The following OSMR variants were observed in gnomAD, a reference collection of about 807,000 sequenced individuals.
OSMR encodes oncostatin M receptor.
A neutral mutation model predicts 99.9 loss-of-function variants in OSMR; 81 were observed. The ratio of observed to expected loss-of-function variants is 0.81; its 90% CI spans 0.68 to 0.97. The LOEUF is 0.97. Ranked by LOEUF, OSMR falls within the 50% of genes least tolerant of loss-of-function variation. The pLI is 0.00. For synonymous variants in OSMR, 406 were observed against 410.4 expected (o/e 0.99, Z 0.13); for missense variants, 1,099 against 1,153.4 (o/e 0.95, Z 0.68).
rs754558776 is a variant in OSMR, at chr5:38,933,172, C to A, written c.2668C>A (p.Pro890Thr). 1 of 1,614,144 alleles carries A rather than the reference C, an allele frequency of 6.2e-7. No homozygotes were observed. The highest frequency in any genetic ancestry group is 1.1e-5 in the South Asian group (1 of 91,078). Residue 890 changes from proline (P) to threonine (T), a missense_variant, in exon 18 of 18, where the codon CCT becomes ACT. By Grantham distance (38) the Pro-to-Thr change is conservative. Transcript: ENST00000274276. Reference protein sequence around the residue: ...APSMLGLMTSPENVLKALEKN... With the variant: ...APSMLGLMTSTENVLKALEKN... ...AAGTATGCTGGGACTAATGACCTCA[C>A]CTGAAAATGTACTAAAGGCACTAGA...
At chr5:38,864,530 C>G (rs978759276) in intron 1 of OSMR, among the ~76,000 whole-genome samples, 1 of 113,636 alleles carries the variant, frequency 8.8e-6, no homozygotes, top group Non-Finnish European at 1.7e-5. Flanking sequence ...ATATAGTATT[C>G]TTGCCTGAAG....
rs369763533 is a variant in OSMR, at chr5:38,876,361, T to C, written c.234T>C (p.Asn78=). 1.2e-6 allele frequency: 2 copies of C among 1,613,154 alleles called. No individual in the cohort carries two copies. Among genetic ancestry groups the C allele is most frequent in the Non-Finnish European group, 8.5e-7 (1 of 1,179,338 alleles). ...AGATCAGTAGGATTGAAACATCCAA[T>C]GTCATCTGGGTGGTAAGTAATTTTT... The part of the protein sequence containing the change: ...QIQISRIETS[N]VIWVGNYSTT... The change falls in exon 3 of 18, where the codon AAT becomes AAC. Residue 78 remains asparagine (N), a synonymous_variant. Coordinates refer to ENST00000274276, the MANE Select transcript of OSMR (RefSeq NM_003999.3).
chr5:38,880,453 G>A (rs1439714413), intron 3 of OSMR, among the ~76,000 whole-genome samples: 2 of 152,180 alleles, frequency 1.3e-5, no homozygotes, highest in African/African-American at 4.8e-5. Flanking sequence ...AGAAGAGAAC[G>A]TGGTTCCTGC....
chr5:38,902,049 A>G (rs542489996), intron 7 of OSMR, among the ~76,000 whole-genome samples: 4 of 152,206 alleles, frequency 2.6e-5, no homozygotes, highest in Non-Finnish European at 5.9e-5. Context: ...GTTAGTCTCC[A>G]TGCCCTGGAG....
At position 38,933,555 on chromosome 5, in the gene OSMR, T is replaced by G. The variant is rs1746883831; in HGVS notation, c.*111T>G. On this transcript the variant is annotated 3_prime_UTR_variant, in exon 18 of 18. Coordinates refer to ENST00000274276, the MANE Select transcript of OSMR (RefSeq NM_003999.3). ...TTAATCCCAGTACGATTTGCAGGTC[T>G]GGTTTATATAAGACCACTACAGTCT... is the stretch of plus-strand genomic sequence containing the variant. 8.1e-7 allele frequency: 1 copy of G among 1,228,978 alleles called. No individual in the cohort carries two copies. The highest frequency in any genetic ancestry group is 1.2e-6 in the Non-Finnish European group (1 of 849,480). 76.1% of individuals were successfully genotyped at this position (1,228,978 alleles called of 1,614,324 possible). A position where few individuals can be genotyped will look rare whatever the true frequency, so the allele number is the denominator to read the frequency against.
chr5:38,932,690 C>T, intron 17 of OSMR, 155 bp downstream of exon 17: 2 of 985,164 alleles, frequency 2.0e-6, no homozygotes, highest in African/African-American at 1.7e-5. Flanking sequence ...GTGATTGGAG[C>T]TTTGATTTCT....
intron 1 of OSMR, chr5:38,942,332 G>T: frequency 6.3e-7 from 1 of 1,598,030 alleles, no homozygotes; most frequent in Non-Finnish European, 8.6e-7. Context: ...ATCAACTATA[G>T]GTTGCTTTGG....
intron 7 of OSMR, among the ~76,000 whole-genome samples, chr5:38,902,927 G>A: frequency 6.6e-6 from 1 of 152,074 alleles, no homozygotes; most frequent in Non-Finnish European, 1.5e-5. Context: ...CACAATCCAT[G>A]CAGCCACCTC....
chr5:38,902,628 AC>A (rs1744969126), intron 7 of OSMR, among the ~76,000 whole-genome samples: 1 of 152,118 alleles, frequency 6.6e-6, no homozygotes, highest in African/African-American at 2.4e-5. Flanking sequence ...TTTGGCAACA[AC>A]CCTAACTGCA....
chr5:38,931,867 C>T lies in OSMR; in HGVS notation c.2213-16C>T, dbSNP rs1439349125. The T allele has an allele frequency of 5.6e-6, 9 of 1,610,678 alleles. No individual in the cohort carries two copies. Among genetic ancestry groups the T allele is most frequent in the Middle Eastern group, 1.6e-4 (1 of 6,064 alleles). On this transcript the variant is annotated splice_polypyrimidine_tract_variant and intron_variant, in intron 15 of 17. Coordinates refer to ENST00000274276, the MANE Select transcript of OSMR (RefSeq NM_003999.3). ...AAGTACTTATTAAAAATGTCCCTTTCTTTTTCCTCGTTCAGCCTCGATGCT... is the reference window on the plus strand; with the variant it reads ...AAGTACTTATTAAAAATGTCCCTTTTTTTTTCCTCGTTCAGCCTCGATGCT...
At position 38,919,386 on chromosome 5, in the gene OSMR, A is replaced by G. The variant is rs555156631; in HGVS notation, c.1585+324A>G. The G allele has an allele frequency of 9.5e-5, 125 of 1,316,674 alleles. No homozygotes were observed. The African/African-American group carries it at 1.5e-3, about 16-fold the overall frequency. 81.6% of individuals were successfully genotyped at this position (1,316,674 alleles called of 1,614,324 possible). On this transcript the variant is annotated intron_variant, in intron 11 of 17. Transcript: ENST00000274276. ...CCACTGAGAGTTGGAGTTACTATTT[A>G]TGATCTTTGTGGCTTGTGAAATAGG...
chr5:38,856,484 G>A (rs1309464735), intron 1 of OSMR, among the ~76,000 whole-genome samples: 1 of 152,176 alleles, frequency 6.6e-6, no homozygotes, highest in Non-Finnish European at 1.5e-5. Flanking sequence ...TCATGTGTAG[G>A]CAGTGACTAC....
rs61559728 is a variant in OSMR, at chr5:38,852,718, A to ATTTTTTTTTTTTTTTTTTTTTTT, written c.-14+6339_-14+6361dup. Among the ~76,000 whole-genome samples, 8 of 70,660 alleles carry ATTTTTTTTTTTTTTTTTTTTTTT rather than the reference A, an allele frequency of 1.1e-4. 2 individuals are homozygous for ATTTTTTTTTTTTTTTTTTTTTTT. Among genetic ancestry groups the ATTTTTTTTTTTTTTTTTTTTTTT allele is most frequent in the African/African-American group, 2.7e-4 (5 of 18,656 alleles). The allele number at this position is 70,660 out of a possible 152,430, so 46.4% of individuals were successfully genotyped here. ...GATACATATTGAAACTATTGTTTTC[A>ATTTTTTTTTTTTTTTTTTTTTTT]TTTTTTTTTTTTTTTTTTTTTTTTT... On this transcript the variant is annotated intron_variant, in intron 1 of 17. Transcript: ENST00000274276.
At chr5:38,874,755 T>C (rs1742671862) in intron 2 of OSMR, among the ~76,000 whole-genome samples, 2 of 152,338 alleles carry the variant, frequency 1.3e-5, no homozygotes, top group Non-Finnish European at 2.9e-5. Flanking sequence ...GTGTTGGTAT[T>C]AGAGAGATTC....
chr5:38,865,730 G>T (rs984672191), intron 1 of OSMR, among the ~76,000 whole-genome samples: 2 of 152,192 alleles, frequency 1.3e-5, no homozygotes, highest in African/African-American at 2.4e-5. Flanking sequence ...CCAATCCCTG[G>T]GCCTCCATGT....
At chr5:38,859,225 A>G (rs1320487772) in intron 1 of OSMR, among the ~76,000 whole-genome samples, 4 of 151,968 alleles carry the variant, frequency 2.6e-5, no homozygotes, top group Admixed American at 2.0e-4. Context: ...TAGTATTTTT[A>G]TAGTTTAGGC....
intron 9 of OSMR, among the ~76,000 whole-genome samples, chr5:38,915,128 G>C (rs1579779755): frequency 1.3e-5 from 2 of 152,196 alleles, no homozygotes. Flanking sequence ...TCACATGAAT[G>C]AGTTATATGG....
chr5:38,919,052 C>T lies in OSMR; in HGVS notation c.1575C>T (p.Asp525=), dbSNP rs749164659. The change falls in exon 11 of 18, where the codon GAC becomes GAT. Residue 525 remains aspartate, a synonymous_variant. Transcript: ENST00000274276. ...CTTCTGTAATAGTCATCTCTGCAGA[C>T]CCCGAAAACAGTGAGTTTGTTTTCA... ...SPASVIVISA[D]PENKEVEEER... 38 of 1,613,740 alleles carry T rather than the reference C, an allele frequency of 2.4e-5. No homozygotes were observed. Among genetic ancestry groups the T allele is most frequent in the Admixed American group, 3.3e-5 (2 of 60,004 alleles).
Position 38,884,083 on chromosome 5 carries a change from C to T in OSMR, c.675C>T (p.Gly225=). The T allele has an allele frequency of 6.2e-7, 1 of 1,613,788 alleles. No individual in the cohort carries two copies. The highest frequency in any genetic ancestry group is 8.5e-7 in the Non-Finnish European group (1 of 1,179,714). Residue 225 remains glycine, a synonymous_variant, in exon 5 of 18, where the codon GGC becomes GGT. Transcript: ENST00000274276. ...CAAGTCAAGGAAATGTCAGTGAAGGCATGAAAGGCATCGTTCTTTTTGTCT... is the reference window on the plus strand; with the variant it reads ...CAAGTCAAGGAAATGTCAGTGAAGGTATGAAAGGCATCGTTCTTTTTGTCT... The part of the protein sequence containing the change: ...CEASQGNVSE[G]MKGIVLFVSK...
Sources: allele counts gnomAD v4.1 joint callset (sites outside exome capture counted in the v4.1 genomes callset), GRCh38; gene constraint gnomAD v4.1.1; transcripts MANE v1.5; gene names NCBI Gene and HGNC (gene_info 2026-07-23, HGNC 2026-07-21).